LRRC69: variants seen among roughly 807,000 people sequenced by gnomAD.
The protein encoded by LRRC69 is leucine rich repeat containing 69, also known as leucine-rich repeat-containing protein 69.
In LRRC69, 42 loss-of-function variants were observed where a neutral mutation model predicts 37.8. The ratio of observed to expected loss-of-function variants is 1.11; its 90% confidence interval spans 0.87 to 1.44. LRRC69 has a LOEUF of 1.44. Among genes scored for constraint, LRRC69 ranks in the 40% most tolerant of loss-of-function variants. LRRC69 has a pLI of 0.00. For missense variants in LRRC69, 357 were observed against 401.9 expected (o/e 0.89, Z 0.96); for synonymous variants, 141 against 143.1 (o/e 0.99, Z 0.11).
intron 7 of LRRC69, among the ~76,000 whole-genome samples, chr8:91,212,864 TTCC>T (rs1453269216): frequency 8.0e-4 from 122 of 152,324 alleles, no homozygotes; most frequent in Non-Finnish European, 1.4e-3. Context: ...TATTGTTTTA[TTCC>T]AAAAATAACA....
intron 5 of LRRC69, among the ~76,000 whole-genome samples, chr8:91,150,437 A>T (rs1307979603): frequency 6.6e-6 from 1 of 151,942 alleles, no homozygotes; most frequent in Non-Finnish European, 1.5e-5. Flanking sequence ...GATGAAGCCC[A>T]TTTGATCATG....
intron 6 of LRRC69, among the ~76,000 whole-genome samples, chr8:91,191,194 T>G (rs975657868): frequency 6.6e-6 from 1 of 152,204 alleles, no homozygotes; most frequent in Admixed American, 6.5e-5. Context: ...GATTTATTTT[T>G]TTCAGATTCC....
chr8:91,197,174 C>A (rs1233643567), intron 6 of LRRC69, among the ~76,000 whole-genome samples: 1 of 152,158 alleles, frequency 6.6e-6, no homozygotes, highest in Non-Finnish European at 1.5e-5. Context: ...GGTCAGGGAC[C>A]CACTTGAGGA....
chr8:91,155,499 T>C (rs1434789958), intron 5 of LRRC69, among the ~76,000 whole-genome samples: 4 of 150,926 alleles, frequency 2.7e-5, no homozygotes, highest in African/African-American at 9.7e-5. Flanking sequence ...AACCTATCTA[T>C]TTGAAATTCA....
intron 5 of LRRC69, chr8:91,157,510 G>A (rs1339065125): frequency 1.9e-6 from 3 of 1,555,268 alleles, no homozygotes; most frequent in Non-Finnish European, 2.7e-6. Flanking sequence ...TGTAGACAAG[G>A]AGTTCTATTT....
At chr8:91,109,163 C>G (rs945590836) in intron 1 of LRRC69, among the ~76,000 whole-genome samples, 11 of 35,944 alleles carry the variant, frequency 3.1e-4, no homozygotes, top group African/African-American at 6.9e-4. Flanking sequence ...CTCCAGGAAC[C>G]GTTCATGTCT....
chr8:91,128,118 TTGA>T (rs1420288668), intron 3 of LRRC69, among the ~76,000 whole-genome samples: 1 of 151,996 alleles, frequency 6.6e-6, no homozygotes, highest in Non-Finnish European at 1.5e-5. Context: ...GATGTATATA[TTGA>T]TGATGATATA....
intron 5 of LRRC69, among the ~76,000 whole-genome samples, chr8:91,181,186 T>C (rs1267030045): frequency 2.6e-5 from 4 of 152,196 alleles, no homozygotes; most frequent in Non-Finnish European, 4.4e-5. Context: ...AAAGAAAATA[T>C]ATGGAGAAAA....
chr8:91,211,616 A>ATTTTT (rs34106795), intron 7 of LRRC69, among the ~76,000 whole-genome samples: 1 of 137,530 alleles, frequency 7.3e-6, no homozygotes, highest in African/African-American at 2.9e-5. Context: ...ATATATATAT[A>ATTTTT]TTTTTTTTTT....
At chr8:91,176,414 G>A (rs1809231239) in intron 5 of LRRC69, among the ~76,000 whole-genome samples, 2 of 151,922 alleles carry the variant, frequency 1.3e-5, no homozygotes, top group South Asian at 4.1e-4. Context: ...CAAAGTGCTG[G>A]AATTACAGGC....
intron 7 of LRRC69, chr8:91,206,570 C>G (rs761546509): frequency 1.9e-5 from 14 of 725,406 alleles, no homozygotes; most frequent in Non-Finnish European, 2.5e-5. Context: ...TCAAAACATC[C>G]TGCTTTCCAC....
chr8:91,179,868 A>G (rs73697133), intron 5 of LRRC69, among the ~76,000 whole-genome samples: 15 of 152,298 alleles, frequency 9.8e-5, no homozygotes, highest in African/African-American at 3.1e-4. Flanking sequence ...GTAAATTGGG[A>G]TATTACAATG....
chr8:91,147,179 G>A (rs1808634859), intron 5 of LRRC69, among the ~76,000 whole-genome samples: 1 of 149,606 alleles, frequency 6.7e-6, no homozygotes, highest in African/African-American at 2.4e-5. Flanking sequence ...GTAAATTATT[G>A]CTAATAATGC....
chr8:91,117,290 G>A (rs948130085), intron 1 of LRRC69, among the ~76,000 whole-genome samples: 1 of 151,970 alleles, frequency 6.6e-6, no homozygotes, highest in African/African-American at 2.4e-5. Flanking sequence ...GCTACAGGCA[G>A]GCAGTAATGA....
exon 4 of LRRC69, chr8:91,133,287 C>T: frequency 1.3e-6 from 2 of 1,505,620 alleles, no homozygotes; most frequent in South Asian, 1.3e-5. Context: ...CCAGAAACAA[C>T]ATTGGAGTTT....
intron 5 of LRRC69, among the ~76,000 whole-genome samples, chr8:91,165,579 G>A (rs539030594): frequency 6.6e-6 from 1 of 151,814 alleles, no homozygotes; most frequent in East Asian, 1.9e-4. Context: ...CAGGTGGTTT[G>A]GTGCGTATTT....
chr8:91,161,768 C>T (rs967748407), intron 5 of LRRC69, among the ~76,000 whole-genome samples: 36 of 150,908 alleles, frequency 2.4e-4, no homozygotes, highest in East Asian at 3.9e-4. Context: ...TTTATTTCTG[C>T]GCTAATTTTC....
At chr8:91,148,327 G>A (rs1808661889) in intron 5 of LRRC69, among the ~76,000 whole-genome samples, 1 of 151,190 alleles carries the variant, frequency 6.6e-6, no homozygotes, top group African/African-American at 2.4e-5. Context: ...GTAAGAACAT[G>A]CAGTGTTTGG....
chr8:91,153,200 G>A (rs901808210), intron 5 of LRRC69, among the ~76,000 whole-genome samples: 7 of 151,074 alleles, frequency 4.6e-5, no homozygotes, highest in Non-Finnish European at 7.4e-5. Context: ...AATACAGGAG[G>A]ACCCAGATTT....
Sources: allele counts gnomAD v4.1 joint callset (sites outside exome capture counted in the v4.1 genomes callset), GRCh38; gene constraint gnomAD v4.1.1; transcripts MANE v1.5; gene names NCBI Gene and HGNC (gene_info 2026-07-23, HGNC 2026-07-21).